LDB2: variants seen among roughly 807,000 people sequenced by gnomAD.
The protein encoded by LDB2 is LIM domain-binding protein 2.
In LDB2, 12 loss-of-function variants were observed where a neutral mutation model predicts 44.3. That is an observed-to-expected ratio of 0.27 (90% CI 0.17 to 0.44). The LOEUF (loss-of-function observed/expected upper bound fraction) is 0.44, where lower values mean the gene tolerates loss of function less well. LDB2 is among the 20% of genes least tolerant of loss of function. The pLI is 1.00. For synonymous variants in LDB2, 164 were observed against 174.8 expected (o/e 0.94, Z 0.49); for missense variants, 344 against 473.5 (o/e 0.73, Z 2.54).
chr4:16,721,874 G>A (rs1758362764), intron 2 of LDB2, among the ~76,000 whole-genome samples: 1 of 152,168 alleles, frequency 6.6e-6, no homozygotes, highest in South Asian at 2.1e-4. Context: ...AAGAGAACTA[G>A]AGATAAGGTA....
chr4:16,564,673 A>C (rs1743843284), intron 5 of LDB2, among the ~76,000 whole-genome samples: 1 of 152,194 alleles, frequency 6.6e-6, no homozygotes, highest in Admixed American at 6.5e-5. Flanking sequence ...TGTTTTATTT[A>C]TTCACTGTGT....
intron 2 of LDB2, among the ~76,000 whole-genome samples, chr4:16,677,158 C>T (rs1421091002): frequency 6.6e-6 from 1 of 151,998 alleles, no homozygotes; most frequent in African/African-American, 2.4e-5. Context: ...CCAATCAGCA[C>T]TGAAGGAAAA....
intron 5 of LDB2, among the ~76,000 whole-genome samples, chr4:16,575,574 CA>C (rs1748003980): frequency 6.6e-6 from 1 of 152,120 alleles, no homozygotes; most frequent in African/African-American, 2.4e-5. Context: ...AGTATTAAAA[CA>C]TTCAAAAAAA....
At chr4:16,557,781 C>A (rs1409955067) in intron 5 of LDB2, among the ~76,000 whole-genome samples, 4 of 152,184 alleles carry the variant, frequency 2.6e-5, no homozygotes, top group Non-Finnish European at 4.4e-5. Context: ...GTCCCTGACC[C>A]CTGACCCCTG....
chr4:16,882,445 G>A (rs564694730), intron 1 of LDB2, among the ~76,000 whole-genome samples: 77 of 152,138 alleles, frequency 5.1e-4, no homozygotes, highest in African/African-American at 1.8e-3. Flanking sequence ...AAAGTCACAG[G>A]AAATATAGAA....
intron 1 of LDB2, among the ~76,000 whole-genome samples, chr4:16,862,633 CAAAAAAAAAAAAAAAAAAA>C (rs58157857): frequency 1.3e-4 from 6 of 45,078 alleles, no homozygotes; most frequent in Non-Finnish European, 1.9e-4. Context: ...AATTCCATCT[CAAAAAAAAAAAAAAAAAAA>C]AAAAAAAAAA....
intron 1 of LDB2, among the ~76,000 whole-genome samples, chr4:16,806,490 T>A (rs1778816167): frequency 6.6e-6 from 1 of 152,164 alleles, no homozygotes; most frequent in Non-Finnish European, 1.5e-5. Flanking sequence ...AAGGGACAAG[T>A]GGACACTGGC....
intron 2 of LDB2, among the ~76,000 whole-genome samples, chr4:16,736,066 C>G (rs1761842308): frequency 1.3e-5 from 2 of 152,218 alleles, no homozygotes; most frequent in Admixed American, 1.3e-4. Context: ...CCAGCCATCA[C>G]TGGCCAGCCC....
At chr4:16,676,154 T>C (rs1746271571) in intron 2 of LDB2, among the ~76,000 whole-genome samples, 1 of 152,222 alleles carries the variant, frequency 6.6e-6, no homozygotes, top group Non-Finnish European at 1.5e-5. Flanking sequence ...AGGTTGTGTG[T>C]GTGTGTGCAT....
intron 2 of LDB2, among the ~76,000 whole-genome samples, chr4:16,665,093 A>G (rs1004868054): frequency 6.6e-6 from 1 of 152,154 alleles, no homozygotes; most frequent in African/African-American, 2.4e-5. Context: ...CAGCAGCTGT[A>G]TGGGAGAGGG....
At chr4:16,752,210 A>C (rs939408114) in intron 2 of LDB2, among the ~76,000 whole-genome samples, 6 of 152,196 alleles carry the variant, frequency 3.9e-5, no homozygotes, top group Non-Finnish European at 8.8e-5. Context: ...AATCAAAATC[A>C]ATTTCCTTTC....
At chr4:16,896,529 T>C (rs188581237) in intron 1 of LDB2, among the ~76,000 whole-genome samples, 3 of 152,260 alleles carry the variant, frequency 2.0e-5, no homozygotes, top group African/African-American at 7.2e-5. Context: ...GCTGCCTGTG[T>C]TCCTAACTGC....
At chr4:16,786,534 C>T (rs2109533783) in intron 1 of LDB2, among the ~76,000 whole-genome samples, 1 of 152,218 alleles carries the variant, frequency 6.6e-6, no homozygotes, top group Non-Finnish European at 1.5e-5. Flanking sequence ...GCAAACTGGT[C>T]CTACCCTGCA....
At chr4:16,503,659 G>A (rs902550649) in intron 7 of LDB2, among the ~76,000 whole-genome samples, 3 of 152,190 alleles carry the variant, frequency 2.0e-5, no homozygotes, top group African/African-American at 7.2e-5. Context: ...ACCCATCTGG[G>A]CAGTAAAGAG....
chr4:16,830,496 A>G (rs991018849), intron 1 of LDB2, among the ~76,000 whole-genome samples: 3 of 152,238 alleles, frequency 2.0e-5, no homozygotes, highest in Non-Finnish European at 4.4e-5. Flanking sequence ...TAGTATCTTT[A>G]TAGCAGTGTA....
intron 3 of LDB2, among the ~76,000 whole-genome samples, chr4:16,592,121 A>G (rs1239125395): frequency 6.6e-6 from 1 of 152,198 alleles, no homozygotes; most frequent in Non-Finnish European, 1.5e-5. Context: ...AGAGGCTGGC[A>G]GGCATTCAGC....
At chr4:16,766,467 T>TGTGTGTGTATATATATACACACAC (rs1561156846) in intron 1 of LDB2, among the ~76,000 whole-genome samples, 8 of 75,558 alleles carry the variant, frequency 1.1e-4, no homozygotes, top group African/African-American at 2.2e-4. Context: ...CACACACATA[T>TGTGTGTGTATATATATACACACAC]ATGTGTGTGT....
intron 2 of LDB2, among the ~76,000 whole-genome samples, chr4:16,601,359 T>A (rs992263092): frequency 2.0e-5 from 3 of 152,156 alleles, no homozygotes; most frequent in African/African-American, 7.2e-5. Context: ...TTTCAGGGCA[T>A]GAATTACAAT....
chr4:16,614,374 CA>C (rs931846533), intron 2 of LDB2, among the ~76,000 whole-genome samples: 1 of 152,016 alleles, frequency 6.6e-6, no homozygotes, highest in Admixed American at 6.5e-5. Context: ...GACTTCATGA[CA>C]AAAATGCCAA....
Sources: allele counts gnomAD v4.1 joint callset (sites outside exome capture counted in the v4.1 genomes callset), GRCh38; gene constraint gnomAD v4.1.1; transcripts MANE v1.5; gene names NCBI Gene and HGNC (gene_info 2026-07-23, HGNC 2026-07-21).